The following PLD1 variants were observed in gnomAD, a reference collection of about 807,000 sequenced individuals.
The protein encoded by PLD1 is phospholipase D1, also known as choline phosphatase 1.
In PLD1, 112 loss-of-function variants were observed where a neutral mutation model predicts 137.1. The ratio of observed to expected loss-of-function variants is 0.82; its 90% CI spans 0.70 to 0.96. The LOEUF (loss-of-function observed/expected upper bound fraction) is 0.96. Ranked by LOEUF, PLD1 falls within the 40% of genes least tolerant of loss-of-function variation. The probability of loss-of-function intolerance (pLI) is 0.00; values close to 1 mark genes in which losing one functional copy is unlikely to be tolerated. For synonymous variants in PLD1, 431 were observed against 454.7 expected (o/e 0.95, Z 0.66); for missense variants, 1,321 against 1,342.0 (o/e 0.98, Z 0.24).
At chr3:171,781,262 A>G (rs1236448404) in intron 1 of PLD1, among the ~76,000 whole-genome samples, 2 of 152,008 alleles carry the variant, frequency 1.3e-5, no homozygotes, top group African/African-American at 4.8e-5. Flanking sequence ...AAAACTAAAT[A>G]TCTATATAGC....
At chr3:171,711,789 T>C (rs1717252212) in intron 9 of PLD1, among the ~76,000 whole-genome samples, 1 of 123,382 alleles carries the variant, frequency 8.1e-6, no homozygotes, top group Non-Finnish European at 1.6e-5. Flanking sequence ...AACTAAACTA[T>C]CCTAAACTCT....
intron 24 of PLD1, among the ~76,000 whole-genome samples, chr3:171,615,221 T>C (rs924621047): frequency 2.6e-5 from 4 of 152,140 alleles, no homozygotes; most frequent in African/African-American, 9.7e-5. Flanking sequence ...TCTAGAAAGA[T>C]ACACACTGAA....
chr3:171,642,934 A>G, intron 22 of PLD1, 45 bp from the exon 23 acceptor site: 2 of 1,066,626 alleles, frequency 1.9e-6, no homozygotes, highest in South Asian at 2.6e-5. Flanking sequence ...GTTTCAAAAC[A>G]ACCAATCCCA....
At chr3:171,786,111 T>C (rs1175346087) in intron 1 of PLD1, among the ~76,000 whole-genome samples, 1 of 152,160 alleles carries the variant, frequency 6.6e-6, no homozygotes, top group African/African-American at 2.4e-5. Context: ...TTTATTCTGC[T>C]CAGCAGAATA....
intron 1 of PLD1, among the ~76,000 whole-genome samples, chr3:171,776,565 G>GCT (rs1347325351): frequency 2.6e-5 from 4 of 152,294 alleles, no homozygotes; most frequent in Non-Finnish European, 5.9e-5. Flanking sequence ...GAAACAATGG[G>GCT]CTCTCTGTTC....
At chr3:171,672,459 T>C (rs1378599850) in intron 19 of PLD1, among the ~76,000 whole-genome samples, 1 of 151,930 alleles carries the variant, frequency 6.6e-6, no homozygotes, top group Non-Finnish European at 1.5e-5. Context: ...GCTTATCAGA[T>C]CTAGTCTCAT....
chr3:171,776,986 C>T (rs2108337164), intron 1 of PLD1, among the ~76,000 whole-genome samples: 1 of 151,930 alleles, frequency 6.6e-6, no homozygotes, highest in East Asian at 1.9e-4. Flanking sequence ...CGACTTTGGC[C>T]CCTTCTCATA....
At chr3:171,752,254 A>G (rs555277787) in intron 1 of PLD1, among the ~76,000 whole-genome samples, 14 of 152,360 alleles carry the variant, frequency 9.2e-5, no homozygotes, top group South Asian at 2.1e-4. Flanking sequence ...ATATGGAAGT[A>G]TGACATAAAA....
At chr3:171,708,522 A>C (rs891868532) in intron 11 of PLD1, among the ~76,000 whole-genome samples, 4 of 152,242 alleles carry the variant, frequency 2.6e-5, no homozygotes, top group African/African-American at 9.6e-5. Context: ...TCTGCTTCCA[A>C]ATGCAAATAT....
intron 1 of PLD1, among the ~76,000 whole-genome samples, chr3:171,743,787 C>T (rs1348050144): frequency 6.6e-6 from 1 of 152,178 alleles, no homozygotes; most frequent in Admixed American, 6.5e-5. Flanking sequence ...GATGCACTGA[C>T]ACATCTGTCT....
intron 1 of PLD1, chr3:171,792,663 G>A (rs1479234684): frequency 4.4e-6 from 2 of 456,622 alleles, no homozygotes; most frequent in Non-Finnish European, 8.8e-6. Context: ...GCCTCTGTGA[G>A]TCACAGAGAA....
Position 171,601,297 on chromosome 3 carries a change from G to A in PLD1, c.*1781C>T, listed in dbSNP as rs1186552246. 1.3e-5 allele frequency: 2 copies of A among 152,066 alleles called. No individual in the cohort carries two copies. The highest frequency in any genetic ancestry group is 2.9e-5 in the Non-Finnish European group (2 of 67,996). The allele number at this position is 152,066 out of a possible 1,614,324, so 9.4% of individuals were successfully genotyped here. A position where few individuals can be genotyped will look rare whatever the true frequency, so the allele number is the denominator to read the frequency against. ...ATGAGAGTAGGGTGCTGAAAATCAA[G>A]AGCCAGTTTGTTGACTCCTCTAAGG... On this transcript the variant is annotated 3_prime_UTR_variant, in exon 27 of 27. Coordinates refer to ENST00000351298, the MANE Select transcript of PLD1 (RefSeq NM_002662.5).
chr3:171,693,915 AC>A (rs564938205), intron 12 of PLD1, among the ~76,000 whole-genome samples: 59 of 152,262 alleles, frequency 3.9e-4, no homozygotes, highest in South Asian at 8.3e-4. Flanking sequence ...AAGAACTAAA[AC>A]TTTTTGTAAT....
At chr3:171,729,876 C>T (rs938072078) in intron 6 of PLD1, among the ~76,000 whole-genome samples, 1 of 152,160 alleles carries the variant, frequency 6.6e-6, no homozygotes, top group African/African-American at 2.4e-5. Flanking sequence ...GAGAGGTGAA[C>T]TCAGTATTAT....
At chr3:171,800,746 T>C (rs1441108008) in intron 1 of PLD1, among the ~76,000 whole-genome samples, 1 of 152,140 alleles carries the variant, frequency 6.6e-6, no homozygotes, top group East Asian at 1.9e-4. Context: ...GGCTAGGAAG[T>C]CCAAGATCAA....
chr3:171,714,652 C>A (rs940637239), intron 8 of PLD1, among the ~76,000 whole-genome samples: 2 of 152,104 alleles, frequency 1.3e-5, no homozygotes, highest in Non-Finnish European at 2.9e-5. Flanking sequence ...TATAATAAAT[C>A]TTTACTGAAA....
intron 17 of PLD1, among the ~76,000 whole-genome samples, chr3:171,677,321 T>C (rs938058220): frequency 3.3e-5 from 5 of 152,262 alleles, no homozygotes; most frequent in South Asian, 4.1e-4. Flanking sequence ...CCCCAAAATA[T>C]GCCTATAAAA....
chr3:171,625,759 T>C (rs1002618014), intron 23 of PLD1, among the ~76,000 whole-genome samples: 2 of 152,172 alleles, frequency 1.3e-5, no homozygotes, highest in Admixed American at 6.5e-5. Flanking sequence ...AGTGGACCTC[T>C]AGCAAACTCC....
At chr3:171,803,170 A>G (rs1723711433) in intron 1 of PLD1, among the ~76,000 whole-genome samples, 1 of 152,220 alleles carries the variant, frequency 6.6e-6, no homozygotes, top group Admixed American at 6.5e-5. Flanking sequence ...TCTCTACAAA[A>G]GGAAGAATCA....
Sources: gnomAD v4.1 joint callset for allele counts (sites outside exome capture counted in the v4.1 genomes callset) on GRCh38, gnomAD v4.1.1 for gene constraint, MANE v1.5 for transcripts, NCBI Gene and HGNC (gene_info 2026-07-23, HGNC 2026-07-21) for gene names.